Variants in MEI4 observed in about 807,000 individuals in gnomAD.
The protein encoded by MEI4 is meiotic double-stranded break formation protein 4.
MEI4 carries 27 observed loss-of-function variants against 31.4 expected under a neutral mutation model. The observed-to-expected ratio is 0.86, with a 90% CI of 0.63 to 1.19. The LOEUF (loss-of-function observed/expected upper bound fraction) is 1.19, where lower values mean the gene tolerates loss of function less well. Ranked by LOEUF, MEI4 falls within the 50% of genes most tolerant of loss-of-function variation. MEI4 has a pLI of 0.00. For synonymous variants in MEI4, 122 were observed against 145.4 expected, an observed-to-expected ratio of 0.84 and a Z score of 1.16; for missense variants, 329 against 398.9, an observed-to-expected ratio of 0.82 and a Z score of 1.49.
At chr6:77,792,702 A>G (rs1327933244) in intron 3 of MEI4, among the ~76,000 whole-genome samples, 1 of 150,106 alleles carries the variant, frequency 6.7e-6, no homozygotes, top group African/African-American at 2.4e-5. Flanking sequence ...GTGGATATCC[A>G]GTTTTCCCAA....
chr6:77,830,173 AAAAATGC>A (rs2127711706), intron 4 of MEI4, among the ~76,000 whole-genome samples: 1 of 152,208 alleles, frequency 6.6e-6, no homozygotes, highest in African/African-American at 2.4e-5. Context: ...GAAGTACTTG[AAAAATGC>A]ATTTGAATTG....
intron 4 of MEI4, among the ~76,000 whole-genome samples, chr6:77,917,878 T>C (rs1289085380): frequency 6.7e-6 from 1 of 148,174 alleles, no homozygotes; most frequent in Non-Finnish European, 1.5e-5. Context: ...CTAGGTTTTC[T>C]TCTAGGGTTT....
In MEI4 at chr6:77,742,931, A is replaced by G. The variant is rs539591116; in HGVS notation, c.233-18199A>G. Among the ~76,000 whole-genome samples, 1,490 of 151,882 alleles carry G rather than the reference A, an allele frequency of 9.8e-3. 20 individuals are homozygous for G. Among genetic ancestry groups the G allele is most frequent in the African/African-American group, 0.034 (1,416 of 41,182 alleles). The stretch of plus-strand genomic sequence containing the variant: ...GGTTTGTCAAAGATTAGATAGTTGT[A>G]GATATGCGGCGTTATTTCTTAGGGC... On this transcript the variant is annotated intron_variant, in intron 2 of 4. Transcript: ENST00000684080.
At chr6:77,738,273 G>T (rs1397718574) in intron 2 of MEI4, among the ~76,000 whole-genome samples, 2 of 152,296 alleles carry the variant, frequency 1.3e-5, no homozygotes, top group East Asian at 3.9e-4. Context: ...CTCAGGTAGT[G>T]AAGACAATTC....
In MEI4 at chr6:77,699,884, C is replaced by CAGAACAGCGGTGGCTGT. The variant is rs531205312; in HGVS notation, c.232+8992_232+9008dup. ...ACCTGGGTGTCAGCAGCAGTGGCTG[C>CAGAACAGCGGTGGCTGT]AGAACAGCGGTGGCTGTAGAACAGC... On this transcript the variant is annotated intron_variant, in intron 2 of 4. Transcript: ENST00000684080. Among the ~76,000 whole-genome samples, 585 of 152,108 alleles carry CAGAACAGCGGTGGCTGT rather than the reference C, an allele frequency of 3.8e-3. 2 individuals carry two copies. Among genetic ancestry groups the CAGAACAGCGGTGGCTGT allele is most frequent in the African/African-American group, 0.012 (510 of 41,552 alleles).
intron 1 of MEI4, among the ~76,000 whole-genome samples, chr6:77,683,156 T>A (rs1249973907): frequency 6.6e-6 from 1 of 152,160 alleles, no homozygotes; most frequent in East Asian, 1.9e-4. Context: ...TAAGCTTCTT[T>A]TCACAATCAA....
intron 4 of MEI4, among the ~76,000 whole-genome samples, chr6:77,897,012 T>G (rs1182593807): frequency 6.6e-6 from 1 of 151,994 alleles, no homozygotes; most frequent in East Asian, 1.9e-4. Flanking sequence ...TGGTTTAAAT[T>G]TATAATCTTA....
In MEI4 at chr6:77,811,145, C is replaced by T. The variant is rs552578662; in HGVS notation, c.769-17786C>T. On this transcript the variant is annotated intron_variant, in intron 3 of 4. Coordinates refer to ENST00000684080, the MANE Select transcript of MEI4 (RefSeq NM_001322247.2). ...GAAAACAAATATATTTAAGGACACA[C>T]ATGTGTTTACTAGTTTGGCATGTAG... is the stretch of plus-strand genomic sequence containing the variant. Among the ~76,000 whole-genome samples the T allele has an allele frequency of 3.3e-3, 500 of 152,270 alleles. 3 individuals are homozygous for T. The highest frequency in any genetic ancestry group is 5.1e-3 in the Non-Finnish European group (349 of 68,018).
At chr6:77,675,782 C>T (rs1768833684) in intron 1 of MEI4, among the ~76,000 whole-genome samples, 1 of 152,080 alleles carries the variant, frequency 6.6e-6, no homozygotes. Context: ...CCTTCCTGTA[C>T]AGAAAGCTCA....
intron 3 of MEI4, among the ~76,000 whole-genome samples, chr6:77,783,886 T>C (rs1019163224): frequency 6.6e-6 from 1 of 152,190 alleles, no homozygotes; most frequent in African/African-American, 2.4e-5. Flanking sequence ...TGTTTAGTTT[T>C]TATATTTTGC....
chr6:77,805,490 A>G (rs978498323), intron 3 of MEI4, among the ~76,000 whole-genome samples: 1 of 152,160 alleles, frequency 6.6e-6, no homozygotes, highest in African/African-American at 2.4e-5. Context: ...TTATTGCTCA[A>G]GGTCTAAAAA....
At chr6:77,790,538 A>G (rs1768893146) in intron 3 of MEI4, among the ~76,000 whole-genome samples, 2 of 152,152 alleles carry the variant, frequency 1.3e-5, no homozygotes, top group South Asian at 2.1e-4. Context: ...AAACCTGCAC[A>G]TGTACTTCCT....
intron 3 of MEI4, among the ~76,000 whole-genome samples, chr6:77,798,628 G>C (rs1400518070): frequency 6.9e-6 from 1 of 145,680 alleles, no homozygotes; most frequent in Non-Finnish European, 1.5e-5. Context: ...ATCTCCTAAA[G>C]CTATCCCTCC....
At chr6:77,664,807 G>T (rs535595604) in intron 1 of MEI4, among the ~76,000 whole-genome samples, 2 of 152,280 alleles carry the variant, frequency 1.3e-5, no homozygotes, top group Admixed American at 6.5e-5. Flanking sequence ...TCTAAGACAA[G>T]AATTATTTAG....
At chr6:77,831,507 T>A (rs969961419) in intron 4 of MEI4, among the ~76,000 whole-genome samples, 6 of 147,510 alleles carry the variant, frequency 4.1e-5, no homozygotes, top group Non-Finnish European at 7.5e-5. Flanking sequence ...AAAGATAATT[T>A]TATATATATA....
intron 2 of MEI4, among the ~76,000 whole-genome samples, chr6:77,740,879 A>G (rs1356086351): frequency 1.3e-5 from 2 of 152,140 alleles, no homozygotes; most frequent in Non-Finnish European, 2.9e-5. Context: ...ATCAAACAAC[A>G]GAAATACCCA....
At chr6:77,835,673 T>G (rs1205248880) in intron 4 of MEI4, among the ~76,000 whole-genome samples, 1 of 152,126 alleles carries the variant, frequency 6.6e-6, no homozygotes, top group Non-Finnish European at 1.5e-5. Flanking sequence ...ATGCATATCC[T>G]GTAAAATATA....
At chr6:77,771,115 G>C (rs775003011) in intron 3 of MEI4, among the ~76,000 whole-genome samples, 2 of 151,732 alleles carry the variant, frequency 1.3e-5, no homozygotes, top group Non-Finnish European at 2.9e-5. Context: ...ACACTATTAC[G>C]AGTTGGAAAA....
At chr6:77,843,018 A>G (rs546184423) in intron 4 of MEI4, among the ~76,000 whole-genome samples, 1 of 151,892 alleles carries the variant, frequency 6.6e-6, no homozygotes, top group Non-Finnish European at 1.5e-5. Context: ...TACCATTTAT[A>G]TATAATCTAT....
Sources: allele counts gnomAD v4.1 joint callset (sites outside exome capture counted in the v4.1 genomes callset), GRCh38; gene constraint gnomAD v4.1.1; transcripts MANE v1.5; gene names NCBI Gene and HGNC (gene_info 2026-07-23, HGNC 2026-07-21).